Variants in TDG observed in about 807,000 individuals in gnomAD.
TDG encodes the protein G/T mismatch-specific thymine DNA glycosylase.
In TDG, 23 loss-of-function variants were observed where a neutral mutation model predicts 46.1. The observed-to-expected ratio is 0.50, with a 90% CI of 0.36 to 0.71. The LOEUF (loss-of-function observed/expected upper bound fraction) is 0.71. Among genes scored for constraint, TDG ranks in the 30% least tolerant of loss-of-function variants. TDG has a pLI of 0.00. For synonymous variants in TDG, 115 were observed against 161.3 expected (o/e 0.71, Z 2.18); for missense variants, 304 against 486.7 (o/e 0.62, Z 3.53).
In TDG at chr12:103,984,779, A is replaced by AAG. The variant is rs1376281810; in HGVS notation, c.823_824insAG (p.Arg275LysfsTer17). On this transcript the variant is annotated frameshift_variant, in exon 8 of 10. Transcript: ENST00000392872. LOFTEE classifies it high-confidence loss of function. ...CTATGTTATGCCATCATCCAGTGCA[A>AAG]GATGTGCTCAGTTTCCTCGAGCCCA... The AAG allele has an allele frequency of 1.2e-6, 2 of 1,612,110 alleles. No individual in the cohort carries two copies. Among genetic ancestry groups the AAG allele is most frequent in the Non-Finnish European group, 1.7e-6 (2 of 1,178,618 alleles).
At chr12:103,977,876 G>A (rs1218408255) in intron 2 of TDG, among the ~76,000 whole-genome samples, 4 of 152,052 alleles carry the variant, frequency 2.6e-5, no homozygotes, top group Non-Finnish European at 5.9e-5. Flanking sequence ...CCAGCCTGGC[G>A]AACATGGCAA....
rs770234013 is a variant in TDG, at chr12:103,984,824, A to C, written c.868A>C (p.Ile290Leu). 1.4e-5 allele frequency: 22 copies of C among 1,613,486 alleles called. No individual in the cohort carries two copies. The Admixed American group carries it at 2.2e-4, about 16-fold the overall frequency. ...AGCCCAAGACAAAGTTCATTACTAC[A>C]TAAAACTGAAGGACTTAAGAGATCA... ...PRAQDKVHYY[I>L]KLKDLRDQLK... Residue 290 changes from isoleucine (I) to leucine (L), a missense_variant, in exon 8 of 10, where the codon ATA becomes CTA. By Grantham distance (5) the Ile-to-Leu change is conservative. Transcript: ENST00000392872.
Position 103,988,646 on chromosome 12 carries a change from G to A in TDG, c.*1556G>A, listed in dbSNP as rs1259200479. The A allele has an allele frequency of 4.6e-5, 7 of 152,728 alleles. No homozygotes were observed. The highest frequency in any genetic ancestry group is 2.0e-4 in the Admixed American group (3 of 15,294). The allele number at this position is 152,728 out of a possible 1,614,324, so 9.5% of individuals were successfully genotyped here. On this transcript the variant is annotated 3_prime_UTR_variant, in exon 10 of 10. Transcript: ENST00000392872. ...CAAGAGATTGTTTTATTTGAATGGG[G>A]AAAATACCCTTTAAATTATGACGGA...
chr12:103,985,787 A>G lies in TDG; in HGVS notation c.1090+59A>G, dbSNP rs546937772. 2.4e-4 allele frequency: 346 copies of G among 1,416,244 alleles called. No homozygotes were observed. The African/African-American group carries it at 4.4e-3, about 18-fold the overall frequency. The allele number at this position is 1,416,244 out of a possible 1,614,324, so 87.7% of individuals were successfully genotyped here. On this transcript the variant is annotated intron_variant, in intron 9 of 9. Transcript: ENST00000392872. ...AGACGGTTTGGTCAGGATTGGGGGG[A>G]AAATTTTAATAGAAGGAGAGTAAAT... is the stretch of plus-strand genomic sequence containing the variant.
At chr12:103,974,988 A>AAAAG (rs1555274183) in intron 1 of TDG, among the ~76,000 whole-genome samples, 1 of 139,676 alleles carries the variant, frequency 7.2e-6, no homozygotes, top group Non-Finnish European at 1.5e-5. Flanking sequence ...AAAAAAAAAA[A>AAAAG]AAAAAGAAAA....
At chr12:103,969,906 A>G (rs1871219212) in intron 1 of TDG, among the ~76,000 whole-genome samples, 1 of 152,222 alleles carries the variant, frequency 6.6e-6, no homozygotes, top group East Asian at 1.9e-4. Context: ...AAATCATACT[A>G]CATGAGGAAT....
rs551446902 is a variant in TDG at position 103,984,601 on chromosome 12, A to G, written c.793-148A>G. 17 of 559,086 alleles carry G rather than the reference A, an allele frequency of 3.0e-5. No homozygotes were observed. The Admixed American group carries it at 4.9e-4, about 16-fold the overall frequency. The allele number at this position is 559,086 out of a possible 1,614,324, so 34.6% of individuals were successfully genotyped here. A position where few individuals can be genotyped will look rare whatever the true frequency, so the allele number is the denominator to read the frequency against. On this transcript the variant is annotated intron_variant, in intron 7 of 9. Transcript: ENST00000392872. ...GTCAGTATTACAAATTCAACCTTAAAAGCAACTACTTTTATTGATTTTTAC... is the reference window on the plus strand; with the variant it reads ...GTCAGTATTACAAATTCAACCTTAAGAGCAACTACTTTTATTGATTTTTAC...
chr12:103,969,981 A>G (rs1043162679), intron 1 of TDG, among the ~76,000 whole-genome samples: 1 of 152,356 alleles, frequency 6.6e-6, no homozygotes, highest in Admixed American at 6.5e-5. Context: ...TACAGTTTCT[A>G]GTAGACTGTA....
chr12:103,965,894 A>T lies in TDG; in HGVS notation c.-144A>T. 1 of 1,298,846 alleles carries T rather than the reference A, an allele frequency of 7.7e-7. No homozygotes were observed. The allele number at this position is 1,298,846 out of a possible 1,614,324, so 80.5% of individuals were successfully genotyped here. On this transcript the variant is annotated 5_prime_UTR_variant, in exon 1 of 10. Transcript: ENST00000392872. Reference sequence around the variant, plus strand: ...GGTAGAAGCCTGGAGGAGGAGCTTGAGTCCAGCCACTGTCTGGGTACTGCC... The same window carrying T: ...GGTAGAAGCCTGGAGGAGGAGCTTGTGTCCAGCCACTGTCTGGGTACTGCC...
intron 1 of TDG, among the ~76,000 whole-genome samples, chr12:103,975,323 G>A (rs1280365611): frequency 6.6e-6 from 1 of 152,078 alleles, no homozygotes; most frequent in Admixed American, 6.5e-5. Context: ...TTCAACACAT[G>A]TTTACAAAAT....
At chr12:103,973,328 G>A (rs577175794) in intron 1 of TDG, among the ~76,000 whole-genome samples, 88 of 152,126 alleles carry the variant, frequency 5.8e-4, no homozygotes, top group Non-Finnish European at 2.4e-4. Context: ...CAGGTGATCC[G>A]CCCGCCTTGA....
intron 1 of TDG, among the ~76,000 whole-genome samples, chr12:103,972,387 G>T (rs1337339064): frequency 6.6e-6 from 1 of 152,182 alleles, no homozygotes; most frequent in African/African-American, 2.4e-5. Flanking sequence ...AAAGTGCTGG[G>T]ATTACAGGCG....
chr12:103,969,109 T>C (rs564124244), intron 1 of TDG, among the ~76,000 whole-genome samples: 2 of 152,366 alleles, frequency 1.3e-5, no homozygotes, highest in African/African-American at 4.8e-5. Context: ...GTCATTATTA[T>C]AGCAAATTTA....
intron 4 of TDG, 40 bp downstream of exon 4, chr12:103,981,002 G>A (rs766784378): frequency 1.9e-6 from 3 of 1,551,740 alleles, no homozygotes; most frequent in South Asian, 2.3e-5. Context: ...TTTTAAATTA[G>A]GTATCTTTGT....
At chr12:103,971,996 A>G (rs1490677235) in intron 1 of TDG, among the ~76,000 whole-genome samples, 2 of 152,220 alleles carry the variant, frequency 1.3e-5, no homozygotes, top group Non-Finnish European at 2.9e-5. Flanking sequence ...TCTGGATTAT[A>G]AAGTAGCAAC....
intron 9 of TDG, among the ~76,000 whole-genome samples, chr12:103,986,061 A>G (rs930882878): frequency 1.3e-5 from 2 of 152,090 alleles, no homozygotes; most frequent in African/African-American, 4.8e-5. Flanking sequence ...CTGGGACTAC[A>G]GGCATCCGCC....
rs1377531410 is a variant in TDG, at chr12:103,984,746, T to C, written c.793-3T>C. Reference sequence around the variant, plus strand: ...CTGAAATTATAAAATGTTGTGATTCTAGCTCTGCTATGTTATGCCATCATC... The same window carrying C: ...CTGAAATTATAAAATGTTGTGATTCCAGCTCTGCTATGTTATGCCATCATC... On this transcript the variant is annotated splice_polypyrimidine_tract_variant and splice_region_variant and intron_variant, in intron 7 of 9. Coordinates refer to ENST00000392872, the MANE Select transcript of TDG (RefSeq NM_003211.6). 2 of 543,512 alleles carry C rather than the reference T, an allele frequency of 3.7e-6. No individual in the cohort carries two copies. The highest frequency in any genetic ancestry group is 7.7e-5 in the Admixed American group (1 of 12,928). The allele number at this position is 543,512 out of a possible 1,614,324, so 33.7% of individuals were successfully genotyped here. A position where few individuals can be genotyped will look rare whatever the true frequency, so the allele number is the denominator to read the frequency against.
chr12:103,981,663 T>C (rs1871842304), intron 4 of TDG, among the ~76,000 whole-genome samples: 1 of 152,230 alleles, frequency 6.6e-6, no homozygotes, highest in Non-Finnish European at 1.5e-5. Context: ...GTGATTATTT[T>C]CTAGCAGAGC....
At chr12:103,966,361 C>G (rs952497706) in intron 1 of TDG, among the ~76,000 whole-genome samples, 1 of 152,198 alleles carries the variant, frequency 6.6e-6, no homozygotes, top group African/African-American at 2.4e-5. Flanking sequence ...ATGTGTCTTT[C>G]TGGATGCCAT....
Sources: gnomAD v4.1 joint callset for allele counts (sites outside exome capture counted in the v4.1 genomes callset) on GRCh38, gnomAD v4.1.1 for gene constraint, MANE v1.5 for transcripts, NCBI Gene and HGNC (gene_info 2026-07-23, HGNC 2026-07-21) for gene names.